Variants in SLC4A10 observed in about 807,000 individuals in gnomAD.
The protein encoded by SLC4A10 is sodium-driven chloride bicarbonate exchanger.
A neutral mutation model predicts 137.7 loss-of-function variants in SLC4A10; 42 were observed. That is an observed-to-expected ratio of 0.30 (90% CI 0.24 to 0.39). The LOEUF is 0.39. SLC4A10 is among the 10% of genes least tolerant of loss of function. The pLI, the probability that SLC4A10 is intolerant of heterozygous loss-of-function variation, is 1.00. For synonymous variants in SLC4A10, 474 were observed against 464.1 expected (o/e 1.02, Z -0.27); for missense variants, 925 against 1,355.0 (o/e 0.68, Z 4.98).
intron 1 of SLC4A10, among the ~76,000 whole-genome samples, chr2:161,666,502 T>G (rs2039065621): frequency 6.6e-6 from 1 of 151,682 alleles, no homozygotes; most frequent in African/African-American, 2.4e-5. Flanking sequence ...AAATACCAAG[T>G]TTCTTTGTCT....
In SLC4A10 at chr2:161,879,280, C is replaced by T; in HGVS notation, c.1098C>T (p.Ile366=). The T allele has an allele frequency of 6.2e-7, 1 of 1,609,046 alleles. No individual in the cohort carries two copies. The highest frequency in any genetic ancestry group is 2.2e-5 in the East Asian group (1 of 44,754). Reference sequence around the variant, plus strand: ...TTCAAGGACTGGCTGAAGTCCCAATCCCAACCAGGTAAAAAGTATAAAAGC... The same window carrying T: ...TTCAAGGACTGGCTGAAGTCCCAATTCCAACCAGGTAAAAAGTATAAAAGC... ...VLLQGLAEVP[I]PTRFLFILLG... Residue 366 remains isoleucine (I), a synonymous_variant, in exon 9 of 27, where the codon ATC becomes ATT. Transcript: ENST00000446997.
At chr2:161,981,927 C>A (rs1447817522) in intron 26 of SLC4A10, among the ~76,000 whole-genome samples, 1 of 152,094 alleles carries the variant, frequency 6.6e-6, no homozygotes, top group Non-Finnish European at 1.5e-5. Context: ...CCTGATGGTG[C>A]CGGGTGGTGG....
intron 1 of SLC4A10, among the ~76,000 whole-genome samples, chr2:161,748,398 T>C (rs1281794679): frequency 6.6e-6 from 1 of 151,918 alleles, no homozygotes; most frequent in Non-Finnish European, 1.5e-5. Context: ...AGTTTTGCAA[T>C]TTTAAATCTT....
intron 15 of SLC4A10, among the ~76,000 whole-genome samples, chr2:161,906,927 G>A (rs1684536802): frequency 1.3e-5 from 2 of 151,956 alleles, no homozygotes; most frequent in South Asian, 4.1e-4. Flanking sequence ...GTGGTGGCGG[G>A]CGCCTGTAGT....
chr2:161,734,027 C>G (rs2047075424), intron 1 of SLC4A10, among the ~76,000 whole-genome samples: 1 of 152,154 alleles, frequency 6.6e-6, no homozygotes, highest in African/African-American at 2.4e-5. Context: ...TAGGAAGTAA[C>G]TAGCTTGCTT....
At chr2:161,836,261 G>C (rs926033211) in intron 3 of SLC4A10, among the ~76,000 whole-genome samples, 1 of 152,188 alleles carries the variant, frequency 6.6e-6, no homozygotes, top group East Asian at 1.9e-4. Flanking sequence ...ACTTTGGGAG[G>C]CTGAGGCAGG....
chr2:161,739,839 G>A (rs966977495), intron 1 of SLC4A10, among the ~76,000 whole-genome samples: 3 of 152,172 alleles, frequency 2.0e-5, no homozygotes, highest in Admixed American at 6.5e-5. Flanking sequence ...GACTCAGGTG[G>A]CCACCTTAAA....
intron 3 of SLC4A10, among the ~76,000 whole-genome samples, chr2:161,824,648 G>A (rs1188147434): frequency 6.6e-6 from 1 of 152,150 alleles, no homozygotes; most frequent in Non-Finnish European, 1.5e-5. Context: ...AGCAGTGCCA[G>A]AAAACAAATT....
intron 1 of SLC4A10, among the ~76,000 whole-genome samples, chr2:161,728,862 C>T (rs1403141557): frequency 6.6e-6 from 1 of 151,968 alleles, no homozygotes; most frequent in South Asian, 2.1e-4. Flanking sequence ...ATATTGTGAC[C>T]AATTAGGTTT....
At chr2:161,660,577 T>TTTCC (rs2038179701) in intron 1 of SLC4A10, among the ~76,000 whole-genome samples, 4 of 128,194 alleles carry the variant, frequency 3.1e-5, no homozygotes, top group African/African-American at 1.1e-4. Flanking sequence ...TCTTTCTTTC[T>TTTCC]TTCTTTCTTT....
At chr2:161,742,723 A>T (rs1232448872) in intron 1 of SLC4A10, among the ~76,000 whole-genome samples, 1 of 152,006 alleles carries the variant, frequency 6.6e-6, no homozygotes, top group Non-Finnish European at 1.5e-5. Flanking sequence ...TACAGGCATG[A>T]ACCATGGTGC....
intron 21 of SLC4A10, among the ~76,000 whole-genome samples, chr2:161,962,268 T>C (rs763370854): frequency 2.0e-5 from 3 of 152,162 alleles, no homozygotes; most frequent in Non-Finnish European, 4.4e-5. Context: ...TATACCCACA[T>C]CTATATTCAT....
chr2:161,774,896 A>G lies in SLC4A10; in HGVS notation c.130+3842A>G, dbSNP rs115566739. Among the ~76,000 whole-genome samples the G allele has an allele frequency of 5.7e-3, 867 of 151,920 alleles. 5 individuals are homozygous for G. Among genetic ancestry groups the G allele is most frequent in the African/African-American group, 0.02 (831 of 41,496 alleles). On this transcript the variant is annotated intron_variant, in intron 2 of 26. Transcript: ENST00000446997. Reference sequence around the variant, plus strand: ...GTTTCCTAGGAAAGCCAATCCTCCAATTGATCATTTCCCTGTTCCCTGAAT... The same window carrying G: ...GTTTCCTAGGAAAGCCAATCCTCCAGTTGATCATTTCCCTGTTCCCTGAAT...
Position 161,797,857 on chromosome 2 carries a change from C to T in SLC4A10, c.131-6592C>T, listed in dbSNP as rs111738511. 6.5e-3 allele frequency among the ~76,000 whole-genome samples: 984 copies of T among 151,790 alleles called. 12 individuals carry two copies. Among genetic ancestry groups the T allele is most frequent in the African/African-American group, 0.023 (934 of 41,412 alleles). On this transcript the variant is annotated intron_variant, in intron 2 of 26. Coordinates refer to ENST00000446997, the MANE Select transcript of SLC4A10 (RefSeq NM_001178015.2). ...AAACTAGTAAATCTCAGTTAGTGGC[C>T]CTTTTGATGAGCAACTTTAGGACTT... is the stretch of plus-strand genomic sequence containing the variant.
chr2:161,656,301 C>A (rs1387268260), intron 1 of SLC4A10, among the ~76,000 whole-genome samples: 1 of 152,146 alleles, frequency 6.6e-6, no homozygotes, highest in Non-Finnish European at 1.5e-5. Context: ...TAAAAACTCT[C>A]AGGATTCTTT....
chr2:161,877,126 A>C (rs1372654838), intron 8 of SLC4A10, among the ~76,000 whole-genome samples: 1 of 152,112 alleles, frequency 6.6e-6, no homozygotes, highest in African/African-American at 2.4e-5. Flanking sequence ...TTCTTGATTT[A>C]ATTAAATTTC....
chr2:161,829,300 C>T (rs967014938), intron 3 of SLC4A10, among the ~76,000 whole-genome samples: 1 of 152,102 alleles, frequency 6.6e-6, no homozygotes, highest in Admixed American at 6.6e-5. Context: ...TTTATGTGAA[C>T]TGGAATAGAT....
In SLC4A10 at chr2:161,904,723, A is replaced by G. The variant is rs189508982; in HGVS notation, c.1618-53A>G. 3.2e-4 allele frequency: 518 copies of G among 1,598,452 alleles called. 2 individuals are homozygous for G. The African/African-American group carries it at 6.0e-3, about 19-fold the overall frequency. On this transcript the variant is annotated intron_variant, in intron 13 of 26. Coordinates refer to ENST00000446997, the MANE Select transcript of SLC4A10 (RefSeq NM_001178015.2). ...TATTTTAAATGTCTTCTCCTTAGCTACAATGGCCTCCTGTACAGCTTAGGT... is the reference window on the plus strand; with the variant it reads ...TATTTTAAATGTCTTCTCCTTAGCTGCAATGGCCTCCTGTACAGCTTAGGT...
chr2:161,698,314 A>G (rs930291049), intron 1 of SLC4A10, among the ~76,000 whole-genome samples: 3 of 152,126 alleles, frequency 2.0e-5, no homozygotes, highest in African/African-American at 7.2e-5. Context: ...CTCTTGTCTG[A>G]TTGCCCTGGC....
Sources: gnomAD v4.1 joint callset for allele counts (sites outside exome capture counted in the v4.1 genomes callset) on GRCh38, gnomAD v4.1.1 for gene constraint, MANE v1.5 for transcripts, NCBI Gene and HGNC (gene_info 2026-07-23, HGNC 2026-07-21) for gene names.